CD86: variants seen among roughly 807,000 people sequenced by gnomAD.
CD86 encodes the protein CD86 molecule, also known as T-lymphocyte activation antigen CD86.
CD86 carries 11 observed loss-of-function variants against 32.1 expected under a neutral mutation model. The observed-to-expected ratio is 0.34, with a 90% CI of 0.22 to 0.57. The LOEUF (loss-of-function observed/expected upper bound fraction) is 0.57, where lower values mean the gene tolerates loss of function less well. Ranked by LOEUF, CD86 falls within the 20% of genes least tolerant of loss-of-function variation. The pLI, the probability that CD86 is intolerant of heterozygous loss-of-function variation, is 0.86. For missense variants in CD86, 359 were observed against 398.4 expected (o/e 0.90, Z 0.84); for synonymous variants, 137 against 135.3 (o/e 1.01, Z -0.09).
chr3:122,119,648 A>AG lies in CD86; in HGVS notation c.*119dup. 1.5e-6 allele frequency: 1 copy of AG among 657,712 alleles called. No individual in the cohort carries two copies. Among genetic ancestry groups the AG allele is most frequent in the Non-Finnish European group, 2.7e-6 (1 of 368,570 alleles). The allele number at this position is 657,712 out of a possible 1,614,324, so 40.7% of individuals were successfully genotyped here. On this transcript the variant is annotated 3_prime_UTR_variant, in exon 7 of 7. Coordinates refer to ENST00000330540, the MANE Select transcript of CD86 (RefSeq NM_175862.5). ...CAAAAAGACATTACCATGAGTAATA[A>AG]GGGGGCTCCAGGACTCCCTCTAAGT...
At chr3:122,059,103 G>A (rs2072285523) in intron 1 of CD86, among the ~76,000 whole-genome samples, 1 of 152,096 alleles carries the variant, frequency 6.6e-6, no homozygotes, top group South Asian at 2.1e-4. Flanking sequence ...AGGTGCCTGT[G>A]GAGCAGCTGG....
intron 2 of CD86, among the ~76,000 whole-genome samples, chr3:122,101,450 G>T (rs2072997919): frequency 6.9e-6 from 1 of 144,620 alleles, no homozygotes; most frequent in South Asian, 2.2e-4. Context: ...GTCTGTGAGT[G>T]GACAGAATGG....
At position 122,119,520 on chromosome 3, in the gene CD86, G is replaced by A. The variant is rs1282173979; in HGVS notation, c.976G>A (p.Asp326Asn). 2 of 1,595,532 alleles carry A rather than the reference G, an allele frequency of 1.3e-6. No homozygotes were observed. The highest frequency in any genetic ancestry group is 1.3e-5 in the African/African-American group (1 of 74,638). ...GAAGACATCTTCATGCGACAAAAGT[G>A]ATACATGTTTTTAATTAAAGAGTAA... ...SSKTSSCDKS[D>N]TCF Residue 326 changes from aspartate to asparagine, a missense_variant, in exon 7 of 7, where the codon GAT becomes AAT. Asp to Asn is a conservative substitution (Grantham distance 23, BLOSUM62 1). Transcript: ENST00000330540.
intron 2 of CD86, among the ~76,000 whole-genome samples, chr3:122,095,941 A>G (rs559904723): frequency 9.5e-4 from 145 of 152,214 alleles, no homozygotes; most frequent in Non-Finnish European, 1.1e-3. Context: ...AGAGGCTCCC[A>G]AGGCAAGCAG....
chr3:122,055,876 G>A (rs1269478325), intron 1 of CD86, among the ~76,000 whole-genome samples: 2 of 152,014 alleles, frequency 1.3e-5, no homozygotes, highest in African/African-American at 4.8e-5. Flanking sequence ...GAGGGTGGAG[G>A]AATGAGATAG....
chr3:122,091,951 G>A (rs1481491317), intron 2 of CD86: 3 of 320,874 alleles, frequency 9.3e-6, no homozygotes, highest in Non-Finnish European at 1.7e-5. Flanking sequence ...GGGGATGGGG[G>A]AAGGCTGCTG....
chr3:122,068,532 A>T (rs1324967237), intron 1 of CD86, among the ~76,000 whole-genome samples: 1 of 152,224 alleles, frequency 6.6e-6, no homozygotes, highest in African/African-American at 2.4e-5. Context: ...TAAATTCAGA[A>T]TCACAGTCTT....
At chr3:122,068,845 A>G (rs1457262163) in intron 1 of CD86, among the ~76,000 whole-genome samples, 1 of 152,218 alleles carries the variant, frequency 6.6e-6, no homozygotes, top group Admixed American at 6.5e-5. Flanking sequence ...AAAGGAAGTT[A>G]AATCACTTAG....
intron 4 of CD86, among the ~76,000 whole-genome samples, chr3:122,108,625 A>T (rs943552757): frequency 6.6e-6 from 1 of 152,178 alleles, no homozygotes; most frequent in Non-Finnish European, 1.5e-5. Flanking sequence ...AGGAGTTCTC[A>T]TGTAAGGAAG....
At chr3:122,101,513 A>ATATATAT (rs1553753638) in intron 2 of CD86, among the ~76,000 whole-genome samples, 187 of 45,810 alleles carry the variant, frequency 4.1e-3, no homozygotes, top group Non-Finnish European at 4.3e-3. Flanking sequence ...AAAAAAAAAA[A>ATATATAT]ATATATATAT....
At chr3:122,071,150 T>G (rs2107507184) in intron 1 of CD86, among the ~76,000 whole-genome samples, 1 of 152,314 alleles carries the variant, frequency 6.6e-6, no homozygotes, top group South Asian at 2.1e-4. Flanking sequence ...GCCCATAATT[T>G]ACATTAAGTT....
At chr3:122,091,784 A>C in intron 2 of CD86, 134 bp downstream of exon 2, 1 of 712,202 alleles carries the variant, frequency 1.4e-6, no homozygotes, top group East Asian at 2.5e-5. Context: ...CCACATGCAA[A>C]AAAGACTTTC....
intron 2 of CD86, among the ~76,000 whole-genome samples, chr3:122,101,474 A>C (rs1486189869): frequency 1.4e-5 from 2 of 145,500 alleles, no homozygotes; most frequent in Admixed American, 6.8e-5. Context: ...GGAAGGAAAG[A>C]AGATACTGTG....
intron 1 of CD86, chr3:122,077,922 G>C (rs940713222): frequency 5.1e-6 from 5 of 985,370 alleles, no homozygotes; most frequent in Non-Finnish European, 2.4e-6. Context: ...AGGAGGTACG[G>C]GGAGCTCGCA....
chr3:122,068,861 C>T (rs1158801355), intron 1 of CD86, among the ~76,000 whole-genome samples: 2 of 152,180 alleles, frequency 1.3e-5, no homozygotes, highest in Admixed American at 1.3e-4. Flanking sequence ...CTTAGACCGT[C>T]CTTCCCCCAG....
At chr3:122,112,543 T>C (rs1576787464) in intron 5 of CD86, among the ~76,000 whole-genome samples, 1 of 152,258 alleles carries the variant, frequency 6.6e-6, no homozygotes, top group African/African-American at 2.4e-5. Context: ...TCTCGATCTC[T>C]TGACCTCGTG....
chr3:122,101,812 G>A (rs989814576), intron 2 of CD86, among the ~76,000 whole-genome samples: 9 of 152,028 alleles, frequency 5.9e-5, no homozygotes, highest in African/African-American at 2.2e-4. Flanking sequence ...GAAGCCTCAG[G>A]TTTGCCTTGT....
intron 1 of CD86, among the ~76,000 whole-genome samples, chr3:122,075,393 T>G (rs188611435): frequency 1.3e-5 from 2 of 152,336 alleles, no homozygotes; most frequent in Admixed American, 1.3e-4. Context: ...GAAGGGTTTA[T>G]ATAAAAGGAT....
At chr3:122,066,673 C>T (rs1334837092) in intron 1 of CD86, among the ~76,000 whole-genome samples, 1 of 152,108 alleles carries the variant, frequency 6.6e-6, no homozygotes, top group East Asian at 1.9e-4. Context: ...GTTCGTAGCT[C>T]ATAGTAATCA....
Sources: allele counts gnomAD v4.1 joint callset (sites outside exome capture counted in the v4.1 genomes callset), GRCh38; gene constraint gnomAD v4.1.1; transcripts MANE v1.5; gene names NCBI Gene and HGNC (gene_info 2026-07-23, HGNC 2026-07-21).